ATP8A2: variants seen among roughly 807,000 people sequenced by gnomAD.
ATP8A2 encodes ATPase phospholipid transporting 8A2.
A neutral mutation model predicts 165.6 loss-of-function variants in ATP8A2; 100 were observed. That is an observed-to-expected ratio of 0.60 (90% CI 0.51 to 0.71). The LOEUF (loss-of-function observed/expected upper bound fraction) is 0.71, where lower values mean the gene tolerates loss of function less well. ATP8A2 is among the 30% of genes least tolerant of loss of function. ATP8A2 has a pLI of 0.00. For missense variants in ATP8A2, 1,227 were observed against 1,479.5 expected, an observed-to-expected ratio of 0.83 and a Z score of 2.80; for synonymous variants, 543 against 548.8, an observed-to-expected ratio of 0.99 and a Z score of 0.15.
intron 28 of ATP8A2, among the ~76,000 whole-genome samples, chr13:25,829,667 G>GTTATATATAT (rs1951405160): frequency 2.1e-5 from 1 of 46,856 alleles, no homozygotes; most frequent in Non-Finnish European, 4.1e-5. Flanking sequence ...GGACAGGTGT[G>GTTATATATAT]GTATATATAT....
chr13:25,453,873 G>A (rs1466105701), intron 1 of ATP8A2, among the ~76,000 whole-genome samples: 1 of 152,146 alleles, frequency 6.6e-6, no homozygotes, highest in Non-Finnish European at 1.5e-5. Context: ...GTGAATTTGG[G>A]TACAGATCTG....
chr13:25,519,128 C>T lies in ATP8A2; in HGVS notation c.222-10871C>T, dbSNP rs1174011841. The stretch of plus-strand genomic sequence containing the variant: ...AGCAACGGGAGCTCTCCCACCTTGG[C>T]GTTTCTGCACTCGCTGTCCCCTCCC... On this transcript the variant is annotated intron_variant, in intron 2 of 36. Coordinates refer to ENST00000381655, the MANE Select transcript of ATP8A2 (RefSeq NM_016529.6). Among the ~76,000 whole-genome samples the T allele has an allele frequency of 5.9e-5, 9 of 152,180 alleles. No individual in the cohort carries two copies. In the South Asian group the frequency reaches 1.5e-3, roughly 25 times the overall value.
chr13:25,721,593 A>G (rs1291456491), intron 25 of ATP8A2, among the ~76,000 whole-genome samples: 1 of 152,230 alleles, frequency 6.6e-6, no homozygotes, highest in Non-Finnish European at 1.5e-5. Context: ...AACCTGGTAC[A>G]CTTGAACAGC....
chr13:25,399,900 A>C (rs73168554), intron 1 of ATP8A2, among the ~76,000 whole-genome samples: 132 of 143,400 alleles, frequency 9.2e-4, no homozygotes, highest in Middle Eastern at 6.9e-3. Context: ...TCCTCCTCTT[A>C]TTCTTCTCCT....
chr13:25,435,980 TGTGA>T lies in ATP8A2; in HGVS notation c.77-32993_77-32990del, dbSNP rs1216495761. On this transcript the variant is annotated intron_variant, in intron 1 of 36. Transcript: ENST00000381655. ...GTGTGTGTGTGTGTGTGTATGTGTG[TGTGA>T]GTGTGTGTATGTGTGTGTGTCTTTC... 2.8e-4 allele frequency among the ~76,000 whole-genome samples: 43 copies of T among 151,708 alleles called. 1 individual carries two copies. The East Asian group carries it at 7.2e-3, about 25-fold the overall frequency.
intron 28 of ATP8A2, among the ~76,000 whole-genome samples, chr13:25,829,992 C>T (rs1174753937): frequency 6.6e-6 from 1 of 150,750 alleles, no homozygotes; most frequent in Non-Finnish European, 1.5e-5. Flanking sequence ...GAATCTCAGA[C>T]ATATTGCAGT....
intron 25 of ATP8A2, among the ~76,000 whole-genome samples, chr13:25,713,525 C>T (rs1027198818): frequency 2.6e-5 from 4 of 152,056 alleles, no homozygotes; most frequent in Admixed American, 6.5e-5. Context: ...TGCCTTGTAC[C>T]GAGATTCTCA....
intron 24 of ATP8A2, among the ~76,000 whole-genome samples, chr13:25,689,511 C>T: frequency 6.6e-6 from 1 of 152,054 alleles, no homozygotes; most frequent in South Asian, 2.1e-4. Flanking sequence ...TCAGTTTGGG[C>T]CCTTTATAAT....
At position 25,409,188 on chromosome 13, in the gene ATP8A2, C is replaced by T. The variant is rs141175900; in HGVS notation, c.76+36900C>T. ...TCTCAGCCCTGGTACATGCTGTCTA[C>T]TGAAGTATTGACTTAAAGTCTGCAG... On this transcript the variant is annotated intron_variant, in intron 1 of 36. Coordinates refer to ENST00000381655, the MANE Select transcript of ATP8A2 (RefSeq NM_016529.6). 8.2e-3 allele frequency among the ~76,000 whole-genome samples: 1,244 copies of T among 152,280 alleles called. 23 individuals are homozygous for T. The highest frequency in any genetic ancestry group is 0.029 in the African/African-American group (1,186 of 41,556).
chr13:25,754,473 A>G (rs2044219436), intron 25 of ATP8A2, among the ~76,000 whole-genome samples: 1 of 152,084 alleles, frequency 6.6e-6, no homozygotes, highest in South Asian at 2.1e-4. Flanking sequence ...CTTGGAAGCC[A>G]GTCAGAACTC....
At chr13:25,975,404 C>T (rs1593655457) in intron 35 of ATP8A2, among the ~76,000 whole-genome samples, 1 of 149,672 alleles carries the variant, frequency 6.7e-6, no homozygotes, top group South Asian at 2.2e-4. Context: ...AGTGAAATCC[C>T]GTCTCTACTA....
At chr13:25,480,324 C>T (rs9553624) in intron 2 of ATP8A2, among the ~76,000 whole-genome samples, 45,258 of 149,930 alleles carry the variant, frequency 0.3, 8,262 homozygotes, top group East Asian at 0.88. Context: ...CCGGACGGGG[C>T]GGCTGCCGGG....
chr13:25,951,406 A>G (rs1267543384), intron 33 of ATP8A2, among the ~76,000 whole-genome samples: 2 of 152,246 alleles, frequency 1.3e-5, no homozygotes, highest in Non-Finnish European at 2.9e-5. Flanking sequence ...GTACTCTGTC[A>G]TTTCATTCAT....
intron 25 of ATP8A2, among the ~76,000 whole-genome samples, chr13:25,738,062 T>C (rs766179306): frequency 5.3e-5 from 8 of 152,274 alleles, no homozygotes; most frequent in Non-Finnish European, 1.0e-4. Flanking sequence ...GAAGACCACG[T>C]CGTACATTAG....
intron 1 of ATP8A2, among the ~76,000 whole-genome samples, chr13:25,377,157 G>A (rs1184324496): frequency 1.3e-5 from 2 of 152,168 alleles, no homozygotes; most frequent in African/African-American, 2.4e-5. Context: ...TTTATGAGAC[G>A]AAGTGTATAC....
intron 2 of ATP8A2, among the ~76,000 whole-genome samples, chr13:25,508,271 C>A (rs939953624): frequency 6.6e-6 from 1 of 152,120 alleles, no homozygotes; most frequent in African/African-American, 2.4e-5. Flanking sequence ...GCAGTGCGGA[C>A]TTTAGTTTAA....
At chr13:26,018,241 C>G (rs540980634) in intron 36 of ATP8A2, among the ~76,000 whole-genome samples, 23 of 152,336 alleles carry the variant, frequency 1.5e-4, no homozygotes, top group African/African-American at 4.8e-4. Flanking sequence ...GGAAGCCAGC[C>G]CAGGACCGGG....
chr13:25,601,282 T>A (rs1191372007), intron 24 of ATP8A2, among the ~76,000 whole-genome samples: 1 of 151,264 alleles, frequency 6.6e-6, no homozygotes, highest in Non-Finnish European at 1.5e-5. Context: ...TGATCTTTTC[T>A]CTGATGACAG....
chr13:25,951,464 G>A (rs1443415944), intron 33 of ATP8A2, among the ~76,000 whole-genome samples: 1 of 152,194 alleles, frequency 6.6e-6, no homozygotes, highest in Non-Finnish European at 1.5e-5. Context: ...TAGCAGGCAG[G>A]GCAGGAACTG....
Sources: gnomAD v4.1 joint callset for allele counts (sites outside exome capture counted in the v4.1 genomes callset) on GRCh38, gnomAD v4.1.1 for gene constraint, MANE v1.5 for transcripts, NCBI Gene and HGNC (gene_info 2026-07-23, HGNC 2026-07-21) for gene names.